Variants in AP2A2 observed in about 807,000 individuals in gnomAD.
AP2A2 encodes AP-2 complex subunit alpha-2.
AP2A2 carries 32 observed loss-of-function variants against 104.2 expected under a neutral mutation model. That is an observed-to-expected ratio of 0.31 (90% CI 0.23 to 0.41). AP2A2 has a LOEUF of 0.41. Ranked by LOEUF, AP2A2 falls within the 10% of genes least tolerant of loss-of-function variation. AP2A2 has a pLI of 1.00. For missense variants in AP2A2, 912 were observed against 1,261.0 expected (o/e 0.72, Z 4.19); for synonymous variants, 539 against 533.3 (o/e 1.01, Z -0.15).
Position 979,859 on chromosome 11 carries a change from C to T in AP2A2, c.604-1339C>T, listed in dbSNP as rs946214817. Among the ~76,000 whole-genome samples the T allele has an allele frequency of 3.3e-5, 5 of 152,176 alleles. No homozygotes were observed. In the East Asian group the frequency reaches 7.7e-4, roughly 23 times the overall value. On this transcript the variant is annotated intron_variant, in intron 5 of 21. Transcript: ENST00000448903. ...TGGGATTACAGCATAAGCCACCGTG[C>T]CCACGCAAGTAGACACTTCCTGAGC...
intron 1 of AP2A2, among the ~76,000 whole-genome samples, chr11:955,185 G>A (rs1328858671): frequency 6.6e-6 from 1 of 152,190 alleles, no homozygotes; most frequent in Non-Finnish European, 1.5e-5. Context: ...AAGCACACAT[G>A]TACACACACA....
At chr11:997,195 A>G (rs1320614692) in intron 14 of AP2A2, among the ~76,000 whole-genome samples, 1 of 152,144 alleles carries the variant, frequency 6.6e-6, no homozygotes, top group Middle Eastern at 3.2e-3. Context: ...AACATCATAG[A>G]TGAGGCCAGG....
chr11:959,526 C>A, intron 2 of AP2A2, 21 bp downstream of exon 2: 1 of 1,463,098 alleles, frequency 6.8e-7, no homozygotes, highest in Non-Finnish European at 9.5e-7. Flanking sequence ...TTAACCTTTT[C>A]CATGAAATGT....
At chr11:984,085 G>A (rs547178535) in intron 6 of AP2A2, among the ~76,000 whole-genome samples, 83 of 152,326 alleles carry the variant, frequency 5.4e-4, no homozygotes, top group African/African-American at 1.9e-3. Context: ...AGGAGACATC[G>A]GGCTGTATGT....
chr11:1,010,333 TC>T (rs774454069), intron 21 of AP2A2: 40 of 588,010 alleles, frequency 6.8e-5, no homozygotes, highest in African/African-American at 1.7e-4. Flanking sequence ...CACTTTGCAC[TC>T]CCGCCAGCTA....
At chr11:952,569 A>C (rs1439302827) in intron 1 of AP2A2, among the ~76,000 whole-genome samples, 1 of 152,204 alleles carries the variant, frequency 6.6e-6, no homozygotes, top group Non-Finnish European at 1.5e-5. Context: ...TCCCTGATGC[A>C]AGTACAGTAC....
chr11:966,256 G>T (rs1854613761), intron 2 of AP2A2, among the ~76,000 whole-genome samples: 1 of 152,202 alleles, frequency 6.6e-6, no homozygotes, highest in Admixed American at 6.5e-5. Flanking sequence ...ACTTTGGGAG[G>T]CCGAGGCAGG....
chr11:983,336 A>G (rs765349158), intron 6 of AP2A2, among the ~76,000 whole-genome samples: 3 of 144,686 alleles, frequency 2.1e-5, no homozygotes, highest in Non-Finnish European at 4.6e-5. Flanking sequence ...CCTTTCCTCT[A>G]CTTTCTTTGG....
chr11:1,003,940 A>C (rs1856111938), intron 16 of AP2A2, 136 bp downstream of exon 16: 1 of 542,586 alleles, frequency 1.8e-6, no homozygotes, highest in Non-Finnish European at 3.0e-6. Context: ...GTAAGAAAGC[A>C]GCCCAATTAA....
In AP2A2 at chr11:992,166, C is replaced by T. The variant is rs570330904; in HGVS notation, c.1270-337C>T. 8.2e-4 allele frequency among the ~76,000 whole-genome samples: 124 copies of T among 152,112 alleles called. No homozygotes were observed. Among genetic ancestry groups the T allele is most frequent in the African/African-American group, 2.9e-3 (122 of 41,500 alleles). On this transcript the variant is annotated intron_variant, in intron 10 of 21. Transcript: ENST00000448903. This position sits in a 1 kb window ranked among gnomAD's most constrained non-coding sequence, Gnocchi z 6.4. Reference sequence around the variant, plus strand: ...GTCAGAGGTCAGAGGAGTGCTGCCACCGGGAGCCTAGGGTGATGAGGTCAG... The same window carrying T: ...GTCAGAGGTCAGAGGAGTGCTGCCATCGGGAGCCTAGGGTGATGAGGTCAG...
intron 2 of AP2A2, among the ~76,000 whole-genome samples, chr11:965,929 T>G (rs1854600319): frequency 6.6e-6 from 1 of 152,174 alleles, no homozygotes; most frequent in Non-Finnish European, 1.5e-5. Context: ...CAGCCTTGAC[T>G]TCCTGGGCTC....
chr11:937,803 C>T (rs532257261), intron 1 of AP2A2, among the ~76,000 whole-genome samples: 2 of 152,294 alleles, frequency 1.3e-5, no homozygotes, highest in South Asian at 2.1e-4. Context: ...GTCAAAAAAT[C>T]GTTCAGCTTC....
chr11:929,214 G>C lies in AP2A2; in HGVS notation c.67+3126G>C, dbSNP rs1255177954. On this transcript the variant is annotated intron_variant, in intron 1 of 21. Coordinates refer to ENST00000448903, the MANE Select transcript of AP2A2 (RefSeq NM_012305.4). ...TGACCTCCATGTCACAGGCAGAGGG[G>C]TCCCCGCTTCCCCTTTCCCTGGCCA... Among the ~76,000 whole-genome samples, 6 of 152,308 alleles carry C rather than the reference G, an allele frequency of 3.9e-5. No individual in the cohort carries two copies. The South Asian group carries it at 1.0e-3, about 26-fold the overall frequency.
intron 18 of AP2A2, chr11:1,008,371 T>C (rs1856282397): frequency 1.8e-6 from 1 of 542,244 alleles, no homozygotes; most frequent in Non-Finnish European, 3.1e-6. Flanking sequence ...CATGGGGCCT[T>C]GCTAGGATCT....
chr11:943,035 G>C (rs1402264006), intron 1 of AP2A2: 1 of 152,232 alleles, frequency 6.6e-6, no homozygotes, highest in Non-Finnish European at 1.5e-5. Context: ...GCATGAGTCT[G>C]ATTTTATCCT....
Position 972,354 on chromosome 11 carries a change from C to G in AP2A2, c.473+99C>G, listed in dbSNP as rs1488313688. 5.5e-6 allele frequency: 7 copies of G among 1,281,108 alleles called. No homozygotes were observed. In the Admixed American group the frequency reaches 8.2e-5, roughly 15 times the overall value. 79.4% of individuals were successfully genotyped at this position (1,281,108 alleles called of 1,614,324 possible). A position where few individuals can be genotyped will look rare whatever the true frequency, so the allele number is the denominator to read the frequency against. On this transcript the variant is annotated intron_variant, in intron 4 of 21. Transcript: ENST00000448903. ...TGCTTAGCCTAGGAAATGTTTTACT[C>G]TCCCCATCTTATGGGAGATGAGATG...
At position 993,437 on chromosome 11, in the gene AP2A2, T is replaced by C. The variant is rs1855730325; in HGVS notation, c.1550+56T>C. On this transcript the variant is annotated intron_variant, in intron 12 of 21. Transcript: ENST00000448903. The surrounding 1 kb of genome is among the most constrained non-coding windows in gnomAD (Gnocchi z 8.2). ...TGCGCTCCGGCGGGCCTCTCGGTGG[T>C]CGGTGGCAAGAGGCGAGGCACCAGC... 1.4e-6 allele frequency: 2 copies of C among 1,403,622 alleles called. No individual in the cohort carries two copies. Among genetic ancestry groups the C allele is most frequent in the South Asian group, 2.7e-5 (2 of 73,052 alleles). The allele number at this position is 1,403,622 out of a possible 1,614,324, so 86.9% of individuals were successfully genotyped here. A position where few individuals can be genotyped will look rare whatever the true frequency, so the allele number is the denominator to read the frequency against.
chr11:994,973 A>G (rs1363352603), intron 14 of AP2A2, among the ~76,000 whole-genome samples: 1 of 137,026 alleles, frequency 7.3e-6, no homozygotes, highest in African/African-American at 2.6e-5. Flanking sequence ...CCCGGGGGCC[A>G]CTGTCCCTGC....
At chr11:964,744 T>C (rs1003241652) in intron 2 of AP2A2, among the ~76,000 whole-genome samples, 1 of 152,186 alleles carries the variant, frequency 6.6e-6, no homozygotes, top group Admixed American at 6.5e-5. Flanking sequence ...GGAAAGAATT[T>C]CCTACCAGAA....
Sources: allele counts gnomAD v4.1 joint callset (sites outside exome capture counted in the v4.1 genomes callset), GRCh38; gene constraint gnomAD v4.1.1; non-coding constraint Gnocchi (gnomAD v3.1); transcripts MANE v1.5; gene names NCBI Gene and HGNC (gene_info 2026-07-23, HGNC 2026-07-21).